Variants in DMRT1 observed in about 807,000 individuals in gnomAD.
DMRT1 encodes the protein doublesex- and mab-3-related transcription factor 1.
A neutral mutation model predicts 32.3 loss-of-function variants in DMRT1; 7 were observed. That is an observed-to-expected ratio of 0.22 (90% confidence interval 0.12 to 0.41). The LOEUF (loss-of-function observed/expected upper bound fraction) is 0.41, where lower values mean the gene tolerates loss of function less well. Ranked by LOEUF, DMRT1 falls within the 10% of genes least tolerant of loss-of-function variation. The pLI is 1.00. For missense variants in DMRT1, 625 were observed against 500.5 expected (o/e 1.25, Z -2.37); for synonymous variants, 278 against 206.1 (o/e 1.35, Z -2.99).
chr9:937,609 A>T (rs1439791029), intron 4 of DMRT1, among the ~76,000 whole-genome samples: 1 of 151,938 alleles, frequency 6.6e-6, no homozygotes, highest in Non-Finnish European at 1.5e-5. Context: ...GATGTTGAGC[A>T]TTTTTTTCAT....
In DMRT1 at chr9:841,843, C is replaced by T. The variant is rs2132531467; in HGVS notation, c.5C>T (p.Pro2Leu). ...CGCACTTCTCCTAGGGGCACCATGCCCAACGACGAGGCATTCAGCAAGCCC... is the reference window on the plus strand; with the variant it reads ...CGCACTTCTCCTAGGGGCACCATGCTCAACGACGAGGCATTCAGCAAGCCC... M[P>L]NDEAFSKPST... Residue 2 changes from proline to leucine, a missense_variant, in exon 1 of 5, where the codon CCC becomes CTC. Physicochemically the swap from Pro to Leu is moderately conservative, Grantham distance 98 (BLOSUM62 -3). Around this residue, in one of 3 missense-constraint regions of DMRT1, gnomAD observed 201 missense variants for 152.0 expected, o/e 1.32. Coordinates refer to ENST00000382276, the MANE Select transcript of DMRT1 (RefSeq NM_021951.3). The T allele has an allele frequency of 3.1e-6, 5 of 1,611,284 alleles. No individual in the cohort carries two copies. The highest frequency in any genetic ancestry group is 4.2e-6 in the Non-Finnish European group (5 of 1,179,082).
intron 2 of DMRT1, among the ~76,000 whole-genome samples, chr9:865,927 G>T (rs1235565045): frequency 1.3e-5 from 2 of 152,174 alleles, no homozygotes; most frequent in East Asian, 1.9e-4. Flanking sequence ...ACTTTGGGAG[G>T]CCAAGGTGGG....
Position 968,752 on chromosome 9 carries a change from G to C in DMRT1, c.*613G>C, listed in dbSNP as rs1820017564. 1 of 153,228 alleles carries C rather than the reference G, an allele frequency of 6.5e-6. No homozygotes were observed. Among genetic ancestry groups the C allele is most frequent in the Non-Finnish European group, 1.5e-5 (1 of 68,726 alleles). The allele number at this position is 153,228 out of a possible 1,614,324, so 9.5% of individuals were successfully genotyped here. Reference sequence around the variant, plus strand: ...TGTAAAAAAAAATTGCTGCGTTTTTGGTAAAGGGTGTAATTTGTAAACAGT... The same window carrying C: ...TGTAAAAAAAAATTGCTGCGTTTTTCGTAAAGGGTGTAATTTGTAAACAGT... On this transcript the variant is annotated 3_prime_UTR_variant, in exon 5 of 5. Transcript: ENST00000382276.
intron 4 of DMRT1, among the ~76,000 whole-genome samples, chr9:951,695 A>G (rs1239572857): frequency 6.6e-6 from 1 of 152,222 alleles, no homozygotes; most frequent in Non-Finnish European, 1.5e-5. Context: ...GTTCTGGAGC[A>G]GATTGAGGGA....
At chr9:954,588 G>C (rs1359575713) in intron 4 of DMRT1, among the ~76,000 whole-genome samples, 1 of 151,794 alleles carries the variant, frequency 6.6e-6, no homozygotes, top group African/African-American at 2.4e-5. Flanking sequence ...AGGAGGAGAA[G>C]TTGGTAGGTT....
intron 2 of DMRT1, among the ~76,000 whole-genome samples, chr9:870,729 T>TTTTTTTTTTTTTTA (rs1589477423): frequency 7.1e-6 from 1 of 140,432 alleles, no homozygotes; most frequent in African/African-American, 2.7e-5. Context: ...TTTTTTTTTT[T>TTTTTTTTTTTTTTA]GAGACAGGGT....
chr9:901,636 A>C (rs1230334050), intron 3 of DMRT1, among the ~76,000 whole-genome samples: 1 of 150,458 alleles, frequency 6.6e-6, no homozygotes. Context: ...TGCCTGACCA[A>C]TTTTTAAGAC....
chr9:885,768 C>A (rs1040007734), intron 2 of DMRT1, among the ~76,000 whole-genome samples: 1 of 152,152 alleles, frequency 6.6e-6, no homozygotes, highest in African/African-American at 2.4e-5. Context: ...TGCAGTGGAG[C>A]CTTCGCAAGG....
chr9:861,103 C>T (rs1480306112), intron 2 of DMRT1, among the ~76,000 whole-genome samples: 2 of 127,924 alleles, frequency 1.6e-5, no homozygotes, highest in Non-Finnish European at 3.2e-5. Flanking sequence ...GGGTGTTTCT[C>T]GGAGAGGGGG....
chr9:905,380 A>G (rs1219371718), intron 3 of DMRT1, among the ~76,000 whole-genome samples: 1 of 152,096 alleles, frequency 6.6e-6, no homozygotes, highest in Admixed American at 6.6e-5. Flanking sequence ...TTCTAGGGGA[A>G]GGAAGGCAGA....
chr9:905,027 A>C (rs977475094), intron 3 of DMRT1, among the ~76,000 whole-genome samples: 4 of 152,058 alleles, frequency 2.6e-5, no homozygotes, highest in African/African-American at 9.7e-5. Context: ...TTGTGGAAAG[A>C]TGAGCCCTTG....
rs528824042 is a variant in DMRT1, at chr9:862,408, G to A, written c.538+15265G>A. Among the ~76,000 whole-genome samples, 9 of 151,860 alleles carry A rather than the reference G, an allele frequency of 5.9e-5. No homozygotes were observed. In the South Asian group the frequency reaches 1.9e-3, roughly 32 times the overall value. ...CCCAGGCACGCGGCAGGCTGAGGCA[G>A]GAGAATCAGGCAGGGAGGCTGCAGT... On this transcript the variant is annotated intron_variant, in intron 2 of 4. Transcript: ENST00000382276.
At chr9:851,830 A>G (rs1815150527) in intron 2 of DMRT1, among the ~76,000 whole-genome samples, 1 of 151,774 alleles carries the variant, frequency 6.6e-6, no homozygotes, top group South Asian at 2.1e-4. Context: ...TTTTGTTGTT[A>G]TTTTCTTACA....
intron 2 of DMRT1, among the ~76,000 whole-genome samples, chr9:865,845 G>A (rs886138916): frequency 2.4e-4 from 36 of 152,034 alleles, no homozygotes; most frequent in African/African-American, 8.7e-4. Context: ...GATGCCTTCA[G>A]TATTAGCCAT....
At chr9:892,634 C>G (rs1052609104) in intron 2 of DMRT1, among the ~76,000 whole-genome samples, 5 of 152,138 alleles carry the variant, frequency 3.3e-5, no homozygotes, top group African/African-American at 1.2e-4. Context: ...TGCCTCTGAT[C>G]TCTCTCTCCT....
At chr9:929,611 C>T (rs7039918) in intron 4 of DMRT1, among the ~76,000 whole-genome samples, 121,532 of 151,934 alleles carry the variant, frequency 0.8, 48,781 homozygotes, top group South Asian at 0.85. Flanking sequence ...TTCTATTATA[C>T]AGGCTAGACA....
In DMRT1 at chr9:968,030, C is replaced by T. The variant is rs751264540; in HGVS notation, c.1013C>T (p.Ser338Leu). Residue 338 changes from serine (S) to leucine (L), a missense_variant, in exon 5 of 5, where the codon TCG becomes TTG. Transcript: ENST00000382276. ...CAAGATTCTGGCTTGGTTTCCCTCT[C>T]GAGCAGCTCTCCTATTAGTAACAAG... ...SSQDSGLVSL[S>L]SSSPISNKST... 6.2e-7 allele frequency: 1 copy of T among 1,614,082 alleles called. No individual in the cohort carries two copies. Among genetic ancestry groups the T allele is most frequent in the Non-Finnish European group, 8.5e-7 (1 of 1,180,034 alleles).
At chr9:948,312 A>G (rs1225093662) in intron 4 of DMRT1, among the ~76,000 whole-genome samples, 1 of 152,188 alleles carries the variant, frequency 6.6e-6, no homozygotes, top group Non-Finnish European at 1.5e-5. Flanking sequence ...TGAAGGGAAA[A>G]GCAAAGTTTT....
At chr9:945,750 T>C (rs1488313299) in intron 4 of DMRT1, among the ~76,000 whole-genome samples, 1 of 151,942 alleles carries the variant, frequency 6.6e-6, no homozygotes, top group Non-Finnish European at 1.5e-5. Flanking sequence ...CTTTTTTTTT[T>C]TTTTTGCCAG....
Sources: allele counts gnomAD v4.1 joint callset (sites outside exome capture counted in the v4.1 genomes callset), GRCh38; gene constraint gnomAD v4.1.1; regional missense constraint gnomAD v4.1.1; transcripts MANE v1.5; gene names NCBI Gene and HGNC (gene_info 2026-07-23, HGNC 2026-07-21).